Variants in RBM19 observed in about 807,000 individuals in gnomAD.
RBM19 encodes RNA binding motif protein 19, also known as probable RNA-binding protein 19.
Under a neutral mutation model 116.8 loss-of-function variants are expected in RBM19, and 94 were observed. The ratio of observed to expected loss-of-function variants is 0.80; its 90% CI spans 0.68 to 0.95. RBM19 has a LOEUF of 0.95. Ranked by LOEUF, RBM19 falls within the 40% of genes least tolerant of loss-of-function variation. RBM19 has a pLI of 0.00. For synonymous variants in RBM19, 475 were observed against 494.1 expected (o/e 0.96, Z 0.51); for missense variants, 1,161 against 1,220.7 (o/e 0.95, Z 0.73).
In RBM19 at chr12:113,959,861, T is replaced by C; in HGVS notation, c.378+4A>G. On this transcript the variant is annotated splice_donor_region_variant and intron_variant, in intron 4 of 23. Transcript: ENST00000261741. ...CTCCTCCTTGGGCAACAGGACAGAC[T>C]CACCTTCTCCAGTTGACCTGCCACC... The C allele has an allele frequency of 6.2e-7, 1 of 1,614,106 alleles. No homozygotes were observed. Among genetic ancestry groups the C allele is most frequent in the Non-Finnish European group, 8.5e-7 (1 of 1,180,016 alleles).
chr12:113,873,225 T>TATTTATTCCACCAGGATGACAATG (rs1879412127), intron 21 of RBM19, among the ~76,000 whole-genome samples: 1 of 88,060 alleles, frequency 1.1e-5, no homozygotes, highest in Non-Finnish European at 2.4e-5. Flanking sequence ...ATGGCGGCTT[T>TATTTATTCCACCAGGATGACAATG]GTGGAATAGA....
At chr12:113,897,089 C>G (rs1881386119) in intron 21 of RBM19, among the ~76,000 whole-genome samples, 1 of 152,216 alleles carries the variant, frequency 6.6e-6, no homozygotes, top group Non-Finnish European at 1.5e-5. Context: ...TTACTTGTTA[C>G]TTTACTGAGC....
chr12:113,835,244 A>T (rs1404097068), intron 23 of RBM19, among the ~76,000 whole-genome samples: 2 of 152,152 alleles, frequency 1.3e-5, no homozygotes, highest in South Asian at 2.1e-4. Context: ...AATTCTAATC[A>T]TCATTCTGAT....
rs71443067 is a variant in RBM19 at position 113,942,594 on chromosome 12, CTT to C, written c.1627-162_1627-161del. 5.8e-3 allele frequency among the ~76,000 whole-genome samples: 731 copies of C among 125,792 alleles called. 5 individuals are homozygous for C. The highest frequency in any genetic ancestry group is 0.019 in the African/African-American group (616 of 32,442). The allele number at this position is 125,792 out of a possible 152,430, so 82.5% of individuals were successfully genotyped here. ...ATCAGATGCCCCCAACGGCTCTGTG[CTT>C]TTTTTTTTTTTTTTTTTTAAGAAGG... On this transcript the variant is annotated intron_variant, in intron 13 of 23. Coordinates refer to ENST00000261741, the MANE Select transcript of RBM19 (RefSeq NM_016196.4).
intron 19 of RBM19, 45 bp downstream of exon 19, chr12:113,920,566 C>G: frequency 6.4e-7 from 1 of 1,551,808 alleles, no homozygotes; most frequent in Non-Finnish European, 8.9e-7. Flanking sequence ...CTCCCACTAC[C>G]TGCCAAGTGC....
At chr12:113,923,549 CTG>C (rs1868781307) in intron 18 of RBM19, among the ~76,000 whole-genome samples, 1 of 152,240 alleles carries the variant, frequency 6.6e-6, no homozygotes, top group Non-Finnish European at 1.5e-5. Flanking sequence ...CAAAACTCTT[CTG>C]TGTGTGTGGC....
At chr12:113,930,758 C>T (rs1869533522) in intron 16 of RBM19, among the ~76,000 whole-genome samples, 2 of 152,126 alleles carry the variant, frequency 1.3e-5, no homozygotes, top group African/African-American at 2.4e-5. Flanking sequence ...TAGCAACAAC[C>T]GCCCTACACC....
rs1382856590 is a variant in RBM19 at position 113,962,344 on chromosome 12, G to A, written c.107C>T (p.Thr36Ile). 1.1e-5 allele frequency: 17 copies of A among 1,614,118 alleles called. No individual in the cohort carries two copies. The highest frequency in any genetic ancestry group is 1.4e-5 in the Non-Finnish European group (16 of 1,180,040). The change falls in exon 2 of 24, where the codon ACC (threonine) becomes ATC (isoleucine). Residue 36 changes from threonine to isoleucine, a missense_variant. Thr to Ile is a moderately conservative substitution (Grantham distance 89). Transcript: ENST00000261741. ...AAACTTGCGGAACTTGCCATCTTTG[G>A]TGAACTTCAGGCTGCAGTCTGTCAG... ...GTLTDCSLKF[T>I]KDGKFRKFGF... is the part of the protein sequence containing the mutation.
chr12:113,954,724 C>T (rs927385357), intron 7 of RBM19, among the ~76,000 whole-genome samples: 10 of 152,208 alleles, frequency 6.6e-5, no homozygotes, highest in Admixed American at 4.6e-4. Flanking sequence ...TGGCTCACTG[C>T]CTGTTTTTGT....
chr12:113,826,102 T>C (rs1001705641), intron 23 of RBM19, among the ~76,000 whole-genome samples: 1 of 152,164 alleles, frequency 6.6e-6, no homozygotes, highest in Admixed American at 6.5e-5. Context: ...TGGTCTGGAA[T>C]GCTCTTCCTC....
At chr12:113,854,662 T>A (rs1877737753) in intron 22 of RBM19, among the ~76,000 whole-genome samples, 2 of 152,198 alleles carry the variant, frequency 1.3e-5, no homozygotes, top group Admixed American at 1.3e-4. Context: ...TCCTGCTTCC[T>A]CTGAGCAGGC....
intron 21 of RBM19, among the ~76,000 whole-genome samples, chr12:113,894,484 G>A (rs1213962908): frequency 2.0e-5 from 3 of 152,174 alleles, no homozygotes; most frequent in Admixed American, 6.5e-5. Context: ...CTGGGTGGCA[G>A]AGTAAGAGTT....
chr12:113,882,906 T>C (rs777061004), intron 21 of RBM19, among the ~76,000 whole-genome samples: 1 of 152,214 alleles, frequency 6.6e-6, no homozygotes. Context: ...CCCTGTGTGG[T>C]CACGTTGTCA....
intron 4 of RBM19, 70 bp downstream of exon 4, chr12:113,959,795 C>T: frequency 6.8e-7 from 1 of 1,471,794 alleles, no homozygotes; most frequent in Non-Finnish European, 9.1e-7. Flanking sequence ...AGCCTCTACC[C>T]TCTCCAGTCT....
At position 113,825,228 on chromosome 12, in the gene RBM19, A is replaced by T. The variant is rs1354909829; in HGVS notation, c.2786-1907T>A. Among the ~76,000 whole-genome samples the T allele has an allele frequency of 1.3e-5, 2 of 152,116 alleles. No individual in the cohort carries two copies. The highest frequency in any genetic ancestry group is 2.4e-5 in the African/African-American group (1 of 41,436). On this transcript the variant is annotated intron_variant, in intron 23 of 23. Coordinates refer to ENST00000261741, the MANE Select transcript of RBM19 (RefSeq NM_016196.4). This position sits in a 1 kb window ranked among gnomAD's most constrained non-coding sequence, Gnocchi z 5.7. The stretch of plus-strand genomic sequence containing the variant: ...AGACGGCAGAGCCTGCCCCATGGTG[A>T]GCGTGCAGAAGGTGCGGGAGGTGCC...
rs371217849 is a variant in RBM19, at chr12:113,864,618, T to C, written c.2559-5722A>G. The stretch of plus-strand genomic sequence containing the variant: ...CCCATGTGGCCAAGGGCCCCAGTTG[T>C]GGCAAGTTGGAGAGATAGACCAACT... On this transcript the variant is annotated intron_variant, in intron 21 of 23. Coordinates refer to ENST00000261741, the MANE Select transcript of RBM19 (RefSeq NM_016196.4). 7.2e-5 allele frequency among the ~76,000 whole-genome samples: 11 copies of C among 152,348 alleles called. No individual in the cohort carries two copies. In the South Asian group the frequency reaches 1.2e-3, roughly 17 times the overall value.
intron 6 of RBM19, among the ~76,000 whole-genome samples, chr12:113,957,111 T>G (rs1872012807): frequency 6.6e-6 from 1 of 152,214 alleles, no homozygotes; most frequent in Admixed American, 6.5e-5. Flanking sequence ...TTGCCCGGGA[T>G]AGTTGTTCAC....
intron 23 of RBM19, among the ~76,000 whole-genome samples, chr12:113,829,683 C>T (rs1875193917): frequency 6.6e-6 from 1 of 152,306 alleles, no homozygotes; most frequent in South Asian, 2.1e-4. Flanking sequence ...TCCCAGCCTT[C>T]TCTGAGTTAC....
chr12:113,949,933 C>T (rs2135925935), intron 9 of RBM19, 150 bp downstream of exon 9: 3 of 689,376 alleles, frequency 4.4e-6, no homozygotes, highest in East Asian at 5.5e-5. Flanking sequence ...CTGTTTGCTC[C>T]CTGCCATGTC....
Sources: allele counts gnomAD v4.1 joint callset (sites outside exome capture counted in the v4.1 genomes callset), GRCh38; gene constraint gnomAD v4.1.1; non-coding constraint Gnocchi (gnomAD v3.1); transcripts MANE v1.5; gene names NCBI Gene and HGNC (gene_info 2026-07-23, HGNC 2026-07-21).